IL7: variants seen among roughly 807,000 people sequenced by gnomAD.
IL7 encodes interleukin-7.
In IL7, 3 loss-of-function variants were observed where a neutral mutation model predicts 21.6. The observed-to-expected ratio is 0.14, with a 90% confidence interval of 0.06 to 0.36. The LOEUF (loss-of-function observed/expected upper bound fraction) is 0.36, where lower values mean the gene tolerates loss of function less well. IL7 is among the 10% of genes least tolerant of loss of function. IL7 has a pLI of 1.00. For synonymous variants in IL7, 62 were observed against 68.1 expected (o/e 0.91, Z 0.44); for missense variants, 175 against 200.2 (o/e 0.87, Z 0.76).
At chr8:78,700,345 TC>T (rs1322307176) in intron 3 of IL7, among the ~76,000 whole-genome samples, 1 of 152,130 alleles carries the variant, frequency 6.6e-6, no homozygotes, top group African/African-American at 2.4e-5. Flanking sequence ...TTTCTTTTTT[TC>T]TTGTAAGTTT....
At chr8:78,679,345 G>T (rs559112456) in intron 4 of IL7, 1 of 152,016 alleles carries the variant, frequency 6.6e-6, no homozygotes, top group Non-Finnish European at 1.5e-5. Context: ...CAATATCTGT[G>T]GATACTCAAA....
chr8:78,720,739 C>T lies in IL7; in HGVS notation n.476+281G>A, dbSNP rs76327390. Among the ~76,000 whole-genome samples the T allele has an allele frequency of 2.6e-3, 398 of 152,044 alleles. 1 individual carries two copies. The highest frequency in any genetic ancestry group is 9.1e-3 in the African/African-American group (376 of 41,534). On this transcript the variant is annotated intron_variant and non_coding_transcript_variant, in intron 5 of 6. Coordinates refer to the IL7 transcript ENST00000519833. ...ATAGAGATATTTAATAATTACACTTCATGATATTTTGTTAGCAAAATTATG... is the reference window on the plus strand; with the variant it reads ...ATAGAGATATTTAATAATTACACTTTATGATATTTTGTTAGCAAAATTATG...
intron 2 of IL7, among the ~76,000 whole-genome samples, chr8:78,767,660 T>G (rs1389961042): frequency 1.3e-5 from 2 of 152,160 alleles, no homozygotes; most frequent in Non-Finnish European, 2.9e-5. Context: ...ATATTTACAA[T>G]AGCTATCTAG....
At chr8:78,740,978 C>G (rs867199732) in intron 2 of IL7, among the ~76,000 whole-genome samples, 3 of 151,898 alleles carry the variant, frequency 2.0e-5, no homozygotes, top group African/African-American at 7.3e-5. Flanking sequence ...TCTTATGCAC[C>G]GGGTTGGACT....
At position 78,755,174 on chromosome 8, in the gene IL7, A is replaced by T. The variant is rs954608463; in HGVS notation, c.148-15092T>A. Among the ~76,000 whole-genome samples the T allele has an allele frequency of 7.9e-5, 12 of 151,864 alleles. 1 individual carries two copies. The East Asian group carries it at 2.1e-3, about 27-fold the overall frequency. On this transcript the variant is annotated intron_variant, in intron 2 of 5. Coordinates refer to ENST00000263851, the MANE Select transcript of IL7 (RefSeq NM_000880.4). ...GATTTATTTCTGGCTTCTCTATTCC[A>T]TTCCCTTGGTCTATGTGTCTGTTTT...
intron 3 of IL7, among the ~76,000 whole-genome samples, chr8:78,690,039 A>T (rs1416698065): frequency 1.3e-5 from 2 of 152,154 alleles, no homozygotes; most frequent in Non-Finnish European, 2.9e-5. Flanking sequence ...TTGTTTTAGC[A>T]CGATTTGTTT....
chr8:78,789,958 G>GT (rs1470989976), intron 2 of IL7, among the ~76,000 whole-genome samples: 5 of 152,114 alleles, frequency 3.3e-5, no homozygotes, highest in African/African-American at 1.2e-4. Flanking sequence ...TCTGGGTAGA[G>GT]ATATCTACTA....
At chr8:78,703,261 G>A (rs1810664835) in intron 3 of IL7, among the ~76,000 whole-genome samples, 1 of 152,130 alleles carries the variant, frequency 6.6e-6, no homozygotes, top group African/African-American at 2.4e-5. Flanking sequence ...GTTTTAGGGT[G>A]GAGAATTCTG....
chr8:78,803,102 A>G lies in IL7; in HGVS notation c.10+1811T>C, dbSNP rs1043159655. 2.0e-5 allele frequency among the ~76,000 whole-genome samples: 3 copies of G among 152,358 alleles called. No homozygotes were observed. In the East Asian group the frequency reaches 5.8e-4, roughly 29 times the overall value. The stretch of plus-strand genomic sequence containing the variant: ...TTTTCCATTTTTTAAAAAAATATTC[A>G]AACACTAACGTGATGCAGTTTGTAA... On this transcript the variant is annotated intron_variant, in intron 1 of 5. Transcript: ENST00000263851.
At chr8:78,692,708 C>T (rs1357050770) in intron 3 of IL7, among the ~76,000 whole-genome samples, 1 of 151,930 alleles carries the variant, frequency 6.6e-6, no homozygotes, top group Non-Finnish European at 1.5e-5. Flanking sequence ...TTCACCCCTC[C>T]AACATTGAGC....
At chr8:78,768,400 G>C (rs1027133920) in intron 2 of IL7, among the ~76,000 whole-genome samples, 6 of 149,140 alleles carry the variant, frequency 4.0e-5, no homozygotes, top group Admixed American at 4.0e-4. Flanking sequence ...GTGTAAAAGT[G>C]TTCCTATTTC....
chr8:78,797,369 T>C (rs1813889225), intron 2 of IL7, among the ~76,000 whole-genome samples: 1 of 151,916 alleles, frequency 6.6e-6, no homozygotes, highest in African/African-American at 2.4e-5. Flanking sequence ...CTATAAAACA[T>C]AAAGAATGAA....
At chr8:78,699,124 T>C (rs557204175) in intron 3 of IL7, among the ~76,000 whole-genome samples, 1,206 of 8,184 alleles carry the variant, frequency 0.15, 5 homozygotes, top group South Asian at 0.39. Context: ...TTTAATAAGG[T>C]GATTCTGTTA....
chr8:78,726,143 G>A (rs903135026), intron 3 of IL7, among the ~76,000 whole-genome samples: 1 of 151,936 alleles, frequency 6.6e-6, no homozygotes, highest in African/African-American at 2.4e-5. Flanking sequence ...AGTGTTCAGG[G>A]ATGATTTCAT....
rs1300326528 is a variant in IL7, at chr8:78,697,845, A to C, written n.215-11898T>G. On this transcript the variant is annotated intron_variant and non_coding_transcript_variant, in intron 3 of 4. Coordinates refer to the IL7 transcript ENST00000523959. Reference sequence around the variant, plus strand: ...AGGCGGGTGCCACCATGCCCACCTAATTTTTTGTATTTTTAATAGAGATGG... The same window carrying C: ...AGGCGGGTGCCACCATGCCCACCTACTTTTTTGTATTTTTAATAGAGATGG... Among the ~76,000 whole-genome samples the C allele has an allele frequency of 2.0e-5, 3 of 151,706 alleles. No individual in the cohort carries two copies. In the East Asian group the frequency reaches 5.8e-4, roughly 29 times the overall value.
chr8:78,732,019 C>T (rs566803994), downstream of IL7, among the ~76,000 whole-genome samples: 5 of 152,088 alleles, frequency 3.3e-5, no homozygotes, highest in African/African-American at 1.2e-4. Context: ...CAAGAGTTTA[C>T]CTTTAGAAAT....
At chr8:78,772,635 T>G (rs1448558229) in intron 2 of IL7, among the ~76,000 whole-genome samples, 2 of 152,098 alleles carry the variant, frequency 1.3e-5, no homozygotes, top group Non-Finnish European at 2.9e-5. Context: ...TTACCGTAGG[T>G]TAATTGATAT....
chr8:78,777,319 C>A (rs1043944703), intron 2 of IL7, among the ~76,000 whole-genome samples: 35 of 152,006 alleles, frequency 2.3e-4, no homozygotes, highest in African/African-American at 8.5e-4. Flanking sequence ...GGAAGTCTGG[C>A]CAGGTATGAG....
intron 2 of IL7, among the ~76,000 whole-genome samples, chr8:78,749,266 A>G (rs1377569949): frequency 6.6e-6 from 1 of 152,126 alleles, no homozygotes. Context: ...GCATTTAATT[A>G]TAATACTTAA....
Sources: gnomAD v4.1 joint callset for allele counts (sites outside exome capture counted in the v4.1 genomes callset) on GRCh38, gnomAD v4.1.1 for gene constraint, MANE v1.5 for transcripts, NCBI Gene and HGNC (gene_info 2026-07-23, HGNC 2026-07-21) for gene names.